ADAMTS17: variants seen among roughly 807,000 people sequenced by gnomAD.
ADAMTS17 encodes ADAM metallopeptidase with thrombospondin type 1 motif 17.
A neutral mutation model predicts 141.5 loss-of-function variants in ADAMTS17; 113 were observed. The ratio of observed to expected loss-of-function variants is 0.80; its 90% CI spans 0.69 to 0.93. The LOEUF (loss-of-function observed/expected upper bound fraction) is 0.93. ADAMTS17 is among the 40% of genes least tolerant of loss of function. The pLI is 0.00. For missense variants in ADAMTS17, 1,659 were observed against 1,517.9 expected (o/e 1.09, Z -1.54); for synonymous variants, 768 against 630.6 (o/e 1.22, Z -3.27).
At chr15:100,178,944 T>C (rs1425453123) in intron 8 of ADAMTS17, among the ~76,000 whole-genome samples, 1 of 152,220 alleles carries the variant, frequency 6.6e-6, no homozygotes, top group Admixed American at 6.5e-5. Context: ...AGGCAATACA[T>C]TGTTCCCAAT....
chr15:100,172,294 A>C (rs984405117), intron 8 of ADAMTS17, among the ~76,000 whole-genome samples: 1 of 152,156 alleles, frequency 6.6e-6, no homozygotes, highest in African/African-American at 2.4e-5. Flanking sequence ...ATTTTTTTAG[A>C]GGTTCCAGGT....
At chr15:100,336,915 C>A (rs1054983396) in intron 2 of ADAMTS17, among the ~76,000 whole-genome samples, 1 of 152,202 alleles carries the variant, frequency 6.6e-6, no homozygotes, top group Non-Finnish European at 1.5e-5. Flanking sequence ...CTGAGCTCAC[C>A]CAGGCTGGAG....
At chr15:100,233,937 G>A (rs962962372) in intron 7 of ADAMTS17, among the ~76,000 whole-genome samples, 2 of 152,110 alleles carry the variant, frequency 1.3e-5, no homozygotes, top group Admixed American at 1.3e-4. Context: ...CTACTGTTCT[G>A]TCAGTTCTAT....
intron 14 of ADAMTS17, among the ~76,000 whole-genome samples, chr15:100,106,654 G>A (rs1240493322): frequency 6.6e-6 from 1 of 152,236 alleles, no homozygotes; most frequent in South Asian, 2.1e-4. Flanking sequence ...CGCTGCAGAA[G>A]ATGCTGGCAG....
rs376689023 is a variant in ADAMTS17 at position 100,039,439 on chromosome 15, G to A, written c.2591+9418C>T. On this transcript the variant is annotated intron_variant, in intron 18 of 21. Coordinates refer to ENST00000268070, the MANE Select transcript of ADAMTS17 (RefSeq NM_139057.4). ...CATTCCCTAAGTTCTGTTATATTGT[G>A]CCTTCACCTCGATTCATCTCAAAAT... Among the ~76,000 whole-genome samples, 5 of 152,164 alleles carry A rather than the reference G, an allele frequency of 3.3e-5. No individual in the cohort carries two copies. In the East Asian group the frequency reaches 7.7e-4, roughly 23 times the overall value.
At chr15:100,284,629 C>G (rs566812384) in intron 3 of ADAMTS17, among the ~76,000 whole-genome samples, 1 of 152,210 alleles carries the variant, frequency 6.6e-6, no homozygotes, top group South Asian at 2.1e-4. Flanking sequence ...GCCTTCTCCT[C>G]CCTCCCTGAT....
rs188391479 is a variant in ADAMTS17, at chr15:100,210,178, C to G, written c.1076-10755G>C. Among the ~76,000 whole-genome samples the G allele has an allele frequency of 5.0e-4, 70 of 139,026 alleles. 1 individual carries two copies. Among genetic ancestry groups the G allele is most frequent in the Non-Finnish European group, 9.8e-4 (65 of 66,514 alleles). The allele number at this position is 139,026 out of a possible 152,430, so 91.2% of individuals were successfully genotyped here. A position where few individuals can be genotyped will look rare whatever the true frequency, so the allele number is the denominator to read the frequency against. ...CCTGGGAGGAGGAGCTTGCAGTGAG[C>G]CGAGATCGTGCCACTGCACTCCAGC... On this transcript the variant is annotated intron_variant, in intron 7 of 21. Coordinates refer to ENST00000268070, the MANE Select transcript of ADAMTS17 (RefSeq NM_139057.4).
chr15:99,972,744 T>A lies in ADAMTS17; in HGVS notation c.*1658A>T, dbSNP rs1418037820. ...TTGATTCAAGTGGAAGTGAGTAAATTCCCTGACATCCCTACCGCTTCTCTG... is the reference window on the plus strand; with the variant it reads ...TTGATTCAAGTGGAAGTGAGTAAATACCCTGACATCCCTACCGCTTCTCTG... On this transcript the variant is annotated 3_prime_UTR_variant, in exon 22 of 22. Transcript: ENST00000268070. 1 of 152,072 alleles carries A rather than the reference T, an allele frequency of 6.6e-6. No homozygotes were observed. The highest frequency in any genetic ancestry group is 1.5e-5 in the Non-Finnish European group (1 of 68,022). The allele number at this position is 152,072 out of a possible 1,614,324, so 9.4% of individuals were successfully genotyped here.
At chr15:100,259,016 C>T (rs572888786) in intron 6 of ADAMTS17, among the ~76,000 whole-genome samples, 5 of 135,884 alleles carry the variant, frequency 3.7e-5, no homozygotes, top group Non-Finnish European at 7.8e-5. Flanking sequence ...CTCAATGAAA[C>T]AGCAGGAAAG....
At chr15:100,155,348 C>A (rs774911654) in intron 8 of ADAMTS17, 28 bp from the exon 9 acceptor site, 14 of 1,606,878 alleles carry the variant, frequency 8.7e-6, no homozygotes, top group Non-Finnish European at 1.0e-5. Context: ...GAGAGGGATG[C>A]TTATGCTACA....
intron 4 of ADAMTS17, among the ~76,000 whole-genome samples, chr15:100,263,213 G>C (rs2043592704): frequency 6.6e-6 from 1 of 152,156 alleles, no homozygotes; most frequent in African/African-American, 2.4e-5. Context: ...ACGCCAGCCT[G>C]TGTCATTGCT....
In ADAMTS17 at chr15:100,261,619, C is replaced by T; in HGVS notation, c.891G>A (p.Gly297=). The change falls in exon 6 of 22, where the codon GGG becomes GGA. Residue 297 remains glycine, a synonymous_variant. Transcript: ENST00000268070. ...LRQRPAKLSI[G]HHGERSLESF... The stretch of plus-strand genomic sequence containing the variant: ...TCTCCAGGGACCGCTCACCATGGTG[C>T]CCAATGGACAACTTAGCCTAAAAAA... 6.2e-7 allele frequency: 1 copy of T among 1,613,800 alleles called. No homozygotes were observed. Among genetic ancestry groups the T allele is most frequent in the East Asian group, 2.2e-5 (1 of 44,888 alleles).
intron 12 of ADAMTS17, 87 bp from the exon 13 acceptor site, chr15:100,117,100 A>T: frequency 6.7e-7 from 1 of 1,493,840 alleles, no homozygotes; most frequent in Admixed American, 2.0e-5. Flanking sequence ...CAGGGGGAGG[A>T]GAGGAAGGGG....
At chr15:100,061,252 G>C (rs547933977) in intron 15 of ADAMTS17, among the ~76,000 whole-genome samples, 1 of 152,178 alleles carries the variant, frequency 6.6e-6, no homozygotes. Flanking sequence ...CTCCATGAAC[G>C]GCAGCGAAAT....
At chr15:100,103,341 G>A (rs554323091) in intron 14 of ADAMTS17, among the ~76,000 whole-genome samples, 3 of 152,186 alleles carry the variant, frequency 2.0e-5, no homozygotes, top group Non-Finnish European at 4.4e-5. Flanking sequence ...TAAGTGCCAG[G>A]CACGCTTTCC....
At chr15:100,149,455 C>G (rs2039061543) in intron 10 of ADAMTS17, among the ~76,000 whole-genome samples, 1 of 152,218 alleles carries the variant, frequency 6.6e-6, no homozygotes, top group Non-Finnish European at 1.5e-5. Flanking sequence ...TAGTTCACAT[C>G]TGTTCCCCTG....
intron 8 of ADAMTS17, among the ~76,000 whole-genome samples, chr15:100,193,861 G>A (rs2041014235): frequency 6.6e-6 from 1 of 152,174 alleles, no homozygotes; most frequent in East Asian, 1.9e-4. Context: ...CCGAGGAGGG[G>A]CAGGTCTGGA....
intron 12 of ADAMTS17, among the ~76,000 whole-genome samples, chr15:100,125,040 G>A (rs1181056605): frequency 8.5e-5 from 13 of 152,200 alleles, no homozygotes; most frequent in Admixed American, 8.5e-4. Context: ...AATGAAGACA[G>A]ACCAGAAGAT....
Position 99,973,818 on chromosome 15 carries a change from G to T in ADAMTS17, c.*584C>A. ...ACGAGACTTCCAAGGCAACACCTAGGATTTAGAGACTATGTTCTCAGAGAC... is the reference window on the plus strand; with the variant it reads ...ACGAGACTTCCAAGGCAACACCTAGTATTTAGAGACTATGTTCTCAGAGAC... On this transcript the variant is annotated 3_prime_UTR_variant, in exon 22 of 22. Coordinates refer to ENST00000268070, the MANE Select transcript of ADAMTS17 (RefSeq NM_139057.4). The T allele has an allele frequency of 1.0e-5, 2 of 190,616 alleles. No individual in the cohort carries two copies. The highest frequency in any genetic ancestry group is 2.2e-5 in the Non-Finnish European group (2 of 91,246). 11.8% of individuals were successfully genotyped at this position (190,616 alleles called of 1,614,324 possible). A position where few individuals can be genotyped will look rare whatever the true frequency, so the allele number is the denominator to read the frequency against.
Sources: allele counts gnomAD v4.1 joint callset (sites outside exome capture counted in the v4.1 genomes callset), GRCh38; gene constraint gnomAD v4.1.1; transcripts MANE v1.5; gene names NCBI Gene and HGNC (gene_info 2026-07-23, HGNC 2026-07-21).